Variants in THRAP3 observed in about 807,000 individuals in gnomAD.
THRAP3 encodes thyroid hormone receptor-associated protein 3.
A neutral mutation model predicts 101.0 loss-of-function variants in THRAP3; 16 were observed. The observed-to-expected ratio is 0.16, with a 90% confidence interval of 0.11 to 0.24. THRAP3 has a LOEUF of 0.24. Ranked by LOEUF, THRAP3 falls within the 10% of genes least tolerant of loss-of-function variation. The probability of loss-of-function intolerance (pLI) is 1.00; values close to 1 mark genes in which losing one functional copy is unlikely to be tolerated. For synonymous variants in THRAP3, 407 were observed against 422.6 expected, an observed-to-expected ratio of 0.96 and a Z score of 0.45; for missense variants, 989 against 1,202.7, an observed-to-expected ratio of 0.82 and a Z score of 2.63.
rs191455774 is a variant in THRAP3, at chr1:36,275,047, G to A, written c.-31-7486G>A. Among the ~76,000 whole-genome samples the A allele has an allele frequency of 4.2e-3, 640 of 150,824 alleles. 10 individuals are homozygous for A. The highest frequency in any genetic ancestry group is 0.036 in the Admixed American group (539 of 15,134). The stretch of plus-strand genomic sequence containing the variant: ...CCAGCACTTTGGGAGGCTGGGGCAG[G>A]GGGATCACGAGGTCAGGAGATCAAG... On this transcript the variant is annotated intron_variant, in intron 2 of 11. Transcript: ENST00000354618.
chr1:36,269,179 A>T (rs926650493), intron 2 of THRAP3, among the ~76,000 whole-genome samples: 2 of 151,982 alleles, frequency 1.3e-5, no homozygotes, highest in Admixed American at 1.3e-4. Context: ...AACACACAGG[A>T]GTGTTTTTGC....
At chr1:36,266,208 A>C (rs1035948621) in intron 2 of THRAP3, among the ~76,000 whole-genome samples, 2 of 151,002 alleles carry the variant, frequency 1.3e-5, no homozygotes, top group African/African-American at 4.9e-5. Flanking sequence ...AGTCCCAGCT[A>C]CTCAGGAGGC....
At chr1:36,231,722 CGAG>C (rs1645029766) in intron 1 of THRAP3, among the ~76,000 whole-genome samples, 1 of 152,066 alleles carries the variant, frequency 6.6e-6, no homozygotes, top group Admixed American at 6.6e-5. Context: ...GTAAAGTTAA[CGAG>C]GAAGTTTCTT....
chr1:36,293,828 T>C, intron 7 of THRAP3, 23 bp from the exon 8 acceptor site: 1 of 1,587,860 alleles, frequency 6.3e-7, no homozygotes, highest in South Asian at 1.1e-5. Context: ...GAATACTATA[T>C]CGTTTTGTAT....
chr1:36,247,955 C>A (rs1169983481), intron 1 of THRAP3, among the ~76,000 whole-genome samples: 1 of 150,446 alleles, frequency 6.6e-6, no homozygotes, highest in Non-Finnish European at 1.5e-5. Flanking sequence ...TCTTGGCTCA[C>A]TGCAACCTCC....
intron 1 of THRAP3, among the ~76,000 whole-genome samples, chr1:36,225,699 G>A (rs1644954489): frequency 6.6e-6 from 1 of 152,134 alleles, no homozygotes; most frequent in Non-Finnish European, 1.5e-5. Flanking sequence ...TAGACAGTCT[G>A]ACGTGTGTAT....
chr1:36,253,371 T>C (rs2124463728), intron 1 of THRAP3, among the ~76,000 whole-genome samples: 1 of 152,302 alleles, frequency 6.6e-6, no homozygotes, highest in South Asian at 2.1e-4. Flanking sequence ...GAGATTTAGT[T>C]TACACATGCA....
At chr1:36,237,786 C>CA (rs908423181) in intron 1 of THRAP3, among the ~76,000 whole-genome samples, 10 of 149,070 alleles carry the variant, frequency 6.7e-5, no homozygotes, top group African/African-American at 2.0e-4. Context: ...AACAAACAAA[C>CA]AAAAAAAAAC....
chr1:36,286,993 C>T lies in THRAP3; in HGVS notation c.763C>T (p.Leu255Phe). 1 of 1,614,262 alleles carries T rather than the reference C, an allele frequency of 6.2e-7. No homozygotes were observed. Among genetic ancestry groups the T allele is most frequent in the Non-Finnish European group, 8.5e-7 (1 of 1,180,046 alleles). The change falls in exon 4 of 12, where the codon CTC becomes TTC. Residue 255 changes from leucine (L) to phenylalanine (F), a missense_variant. Transcript: ENST00000354618. The surrounding 1 kb of genome is among the most constrained non-coding windows in gnomAD (Gnocchi z 5.5). ...RERSPALKSP[L>F]QSVVVRRRSP... Reference sequence around the variant, plus strand: ...GCGAAGCCCAGCTCTCAAAAGCCCCCTCCAGTCTGTGGTGGTGAGGCGGCG... The same window carrying T: ...GCGAAGCCCAGCTCTCAAAAGCCCCTTCCAGTCTGTGGTGGTGAGGCGGCG...
intron 1 of THRAP3, among the ~76,000 whole-genome samples, chr1:36,246,141 TA>T (rs1223952766): frequency 6.6e-6 from 1 of 152,168 alleles, no homozygotes; most frequent in Non-Finnish European, 1.5e-5. Context: ...GTAGAGCATG[TA>T]AATCTTTGTC....
intron 1 of THRAP3, among the ~76,000 whole-genome samples, chr1:36,239,581 A>G (rs1002941493): frequency 1.3e-5 from 2 of 152,040 alleles, no homozygotes; most frequent in South Asian, 4.1e-4. Flanking sequence ...TGGCTTTTAC[A>G]TTTCATCATC....
At chr1:36,236,133 T>C (rs1039023534) in intron 1 of THRAP3, among the ~76,000 whole-genome samples, 6 of 150,316 alleles carry the variant, frequency 4.0e-5, no homozygotes, top group African/African-American at 1.2e-4. Flanking sequence ...GTGCCTGTAG[T>C]CCCAGCTACT....
chr1:36,278,683 G>A (rs1039864767), intron 2 of THRAP3, among the ~76,000 whole-genome samples: 2 of 152,118 alleles, frequency 1.3e-5, no homozygotes, highest in Admixed American at 1.3e-4. Context: ...CAGCACTTTG[G>A]GAGGCCGAGG....
At chr1:36,278,065 T>TCC (rs1557441049) in intron 2 of THRAP3, among the ~76,000 whole-genome samples, 157 of 147,030 alleles carry the variant, frequency 1.1e-3, no homozygotes, top group African/African-American at 3.9e-3. Flanking sequence ...AGCCCCCCTT[T>TCC]TTTTTTTTTT....
At chr1:36,289,929 G>T (rs1197299721) in intron 5 of THRAP3, among the ~76,000 whole-genome samples, 165 bp downstream of exon 5, 2 of 152,174 alleles carry the variant, frequency 1.3e-5, no homozygotes, top group Admixed American at 6.5e-5. Flanking sequence ...GTCACAGAGT[G>T]ATTGTGTGCT....
At chr1:36,297,437 G>A (rs1645966952) in intron 9 of THRAP3, among the ~76,000 whole-genome samples, 1 of 150,866 alleles carries the variant, frequency 6.6e-6, no homozygotes, top group South Asian at 2.1e-4. Context: ...AACTTTAGCT[G>A]GCAAGCATTT....
chr1:36,252,322 A>C (rs1276313071), intron 1 of THRAP3, among the ~76,000 whole-genome samples: 2 of 152,084 alleles, frequency 1.3e-5, no homozygotes, highest in Non-Finnish European at 2.9e-5. Context: ...ACGGGGTTTC[A>C]CCATGTTGGT....
At chr1:36,288,501 C>T in intron 4 of THRAP3, 1 of 985,448 alleles carries the variant, frequency 1.0e-6, no homozygotes, top group Non-Finnish European at 1.2e-6. Flanking sequence ...TTGCTGCTGT[C>T]ACCCTCTCCC....
chr1:36,269,828 C>T (rs1033519523), intron 2 of THRAP3, among the ~76,000 whole-genome samples: 12 of 152,070 alleles, frequency 7.9e-5, no homozygotes, highest in African/African-American at 2.9e-4. Flanking sequence ...TCCTACCCCT[C>T]AACCTCCCAA....
Sources: allele counts gnomAD v4.1 joint callset (sites outside exome capture counted in the v4.1 genomes callset), GRCh38; gene constraint gnomAD v4.1.1; non-coding constraint Gnocchi (gnomAD v3.1); transcripts MANE v1.5; gene names NCBI Gene and HGNC (gene_info 2026-07-23, HGNC 2026-07-21).